Variants in GPC5 observed in about 807,000 individuals in gnomAD.
GPC5 encodes glypican 5, also known as glypican-5.
In GPC5, 47 loss-of-function variants were observed where a neutral mutation model predicts 53.9. That is an observed-to-expected ratio of 0.87 (90% CI 0.69 to 1.11). GPC5 has a LOEUF of 1.11. Among genes scored for constraint, GPC5 ranks in the 50% most tolerant of loss-of-function variants. The pLI is 0.00. For synonymous variants in GPC5, 286 were observed against 263.3 expected, an observed-to-expected ratio of 1.09 and a Z score of -0.84; for missense variants, 748 against 713.1, an observed-to-expected ratio of 1.05 and a Z score of -0.56.
rs143384047 is a variant in GPC5 at position 92,286,672 on chromosome 13, G to A, written c.1561+141683G>A. Among the ~76,000 whole-genome samples the A allele has an allele frequency of 1.9e-3, 291 of 150,760 alleles. 2 individuals carry two copies. Among genetic ancestry groups the A allele is most frequent in the African/African-American group, 6.8e-3 (279 of 41,012 alleles). On this transcript the variant is annotated intron_variant, in intron 7 of 7. Transcript: ENST00000377067. ...ATACCGCATGTTCTCACTTATAGGT[G>A]GGAATTGAACAATGAGAACACTTGG...
chr13:92,089,714 A>G (rs2041364231), intron 6 of GPC5, among the ~76,000 whole-genome samples: 2 of 152,196 alleles, frequency 1.3e-5, no homozygotes, highest in South Asian at 4.1e-4. Context: ...ATTATTTATT[A>G]ATTATTACTT....
intron 7 of GPC5, among the ~76,000 whole-genome samples, chr13:92,169,665 C>A (rs77340674): frequency 1.3e-5 from 2 of 151,926 alleles, no homozygotes. Context: ...AAAATTAAAA[C>A]GTACAATCCA....
intron 5 of GPC5, among the ~76,000 whole-genome samples, chr13:91,902,903 C>A (rs1468061242): frequency 1.3e-5 from 2 of 151,810 alleles, no homozygotes; most frequent in African/African-American, 2.4e-5. Context: ...TATACTGTGG[C>A]TCAATGAAAA....
At chr13:91,428,572 G>C (rs1431438433) in intron 1 of GPC5, among the ~76,000 whole-genome samples, 4 of 152,164 alleles carry the variant, frequency 2.6e-5, no homozygotes, top group Non-Finnish European at 5.9e-5. Context: ...TTGGTGTTTA[G>C]GCTCCAGGCT....
rs1456680547 is a variant in GPC5 at position 92,566,986 on chromosome 13, G to T, written c.1562-299296G>T. ...AAATTCTTCATGATTGACCTTTAAGGTCTGGTATATTAGCAAAACTTTCAG... is the reference window on the plus strand; with the variant it reads ...AAATTCTTCATGATTGACCTTTAAGTTCTGGTATATTAGCAAAACTTTCAG... On this transcript the variant is annotated intron_variant, in intron 7 of 7. Transcript: ENST00000377067. Among the ~76,000 whole-genome samples the T allele has an allele frequency of 1.8e-4, 28 of 152,082 alleles. No individual in the cohort carries two copies. In the East Asian group the frequency reaches 5.2e-3, roughly 28 times the overall value.
At chr13:92,411,128 G>A (rs1481522390) in intron 7 of GPC5, among the ~76,000 whole-genome samples, 1 of 152,132 alleles carries the variant, frequency 6.6e-6, no homozygotes, top group African/African-American at 2.4e-5. Context: ...AAATTTGCCA[G>A]GCATGATGGC....
At chr13:91,974,840 G>A (rs538034734) in intron 6 of GPC5, among the ~76,000 whole-genome samples, 83 of 152,100 alleles carry the variant, frequency 5.5e-4, no homozygotes, top group Non-Finnish European at 1.0e-3. Flanking sequence ...GAACAAAGCC[G>A]GAGGCATCCC....
chr13:91,749,635 G>A (rs2037126529), intron 4 of GPC5, among the ~76,000 whole-genome samples: 1 of 152,174 alleles, frequency 6.6e-6, no homozygotes. Flanking sequence ...TCAAATGGTA[G>A]TTCTATTTTT....
intron 1 of GPC5, among the ~76,000 whole-genome samples, chr13:91,405,658 A>G (rs1877268355): frequency 6.6e-6 from 1 of 152,106 alleles, no homozygotes; most frequent in Non-Finnish European, 1.5e-5. Flanking sequence ...CGTGATGGAG[A>G]CAGAGAACAT....
chr13:91,599,837 T>C (rs1333107352), intron 2 of GPC5, among the ~76,000 whole-genome samples: 1 of 152,208 alleles, frequency 6.6e-6, no homozygotes, highest in African/African-American at 2.4e-5. Context: ...ATGTGGTCTG[T>C]CAAAACTGAA....
chr13:91,683,752 C>T (rs1207463262), intron 2 of GPC5, among the ~76,000 whole-genome samples: 1 of 152,162 alleles, frequency 6.6e-6, no homozygotes, highest in African/African-American at 2.4e-5. Context: ...CTGCAGTTCC[C>T]ATCCTGCCTG....
chr13:92,595,104 T>C (rs1412363719), intron 7 of GPC5, among the ~76,000 whole-genome samples: 1 of 152,208 alleles, frequency 6.6e-6, no homozygotes, highest in East Asian at 1.9e-4. Context: ...GAGATCCAGA[T>C]GCTTTACCAT....
rs1341833930 is a variant in GPC5 at position 92,154,090 on chromosome 13, G to A, written c.1561+9101G>A. Among the ~76,000 whole-genome samples the A allele has an allele frequency of 2.6e-5, 4 of 152,176 alleles. No individual in the cohort carries two copies. In the East Asian group the frequency reaches 7.7e-4, roughly 29 times the overall value. ...TTAGCTCCTGGTGAGGCCTCAGGAG[G>A]CTTACAAACTGGTGGGAGACAAAGG... On this transcript the variant is annotated intron_variant, in intron 7 of 7. Transcript: ENST00000377067.
At chr13:91,887,978 TG>T (rs2039343631) in intron 5 of GPC5, among the ~76,000 whole-genome samples, 1 of 152,240 alleles carries the variant, frequency 6.6e-6, no homozygotes, top group African/African-American at 2.4e-5. Flanking sequence ...GCCACATTTT[TG>T]GGTATGTTAA....
chr13:92,235,481 C>T (rs2042563109), intron 7 of GPC5, among the ~76,000 whole-genome samples: 1 of 152,104 alleles, frequency 6.6e-6, no homozygotes, highest in Non-Finnish European at 1.5e-5. Flanking sequence ...ATATTCCACA[C>T]ATTTATTTCA....
intron 7 of GPC5, among the ~76,000 whole-genome samples, chr13:92,327,185 C>A (rs1320485274): frequency 6.6e-6 from 1 of 152,150 alleles, no homozygotes; most frequent in Non-Finnish European, 1.5e-5. Flanking sequence ...TTCTTCAAAT[C>A]ATTATCTTTT....
chr13:92,536,293 T>C (rs1473880660), intron 7 of GPC5, among the ~76,000 whole-genome samples: 1 of 152,154 alleles, frequency 6.6e-6, no homozygotes. Flanking sequence ...ATACTGAATA[T>C]ATACACAGAT....
intron 6 of GPC5, among the ~76,000 whole-genome samples, chr13:92,067,097 CAA>C (rs1017487198): frequency 2.6e-5 from 4 of 152,020 alleles, no homozygotes; most frequent in African/African-American, 4.8e-5. Flanking sequence ...ATCATGAGAA[CAA>C]AGTCTTTCTT....
chr13:91,924,976 C>T (rs184463051), intron 6 of GPC5, among the ~76,000 whole-genome samples: 2 of 151,936 alleles, frequency 1.3e-5, no homozygotes, highest in Admixed American at 6.6e-5. Context: ...CCTGCCAACA[C>T]GCCCAGCTAA....
Sources: allele counts gnomAD v4.1 joint callset (sites outside exome capture counted in the v4.1 genomes callset), GRCh38; gene constraint gnomAD v4.1.1; transcripts MANE v1.5; gene names NCBI Gene and HGNC (gene_info 2026-07-23, HGNC 2026-07-21).